The following YIPF4 variants were observed in gnomAD, a reference collection of about 807,000 sequenced individuals.
YIPF4 encodes the protein Yip1 domain family member 4.
Under a neutral mutation model 29.4 loss-of-function variants are expected in YIPF4, and 18 were observed. That is an observed-to-expected ratio of 0.61 (90% CI 0.42 to 0.91). YIPF4 has a LOEUF of 0.91. Ranked by LOEUF, YIPF4 falls within the 40% of genes least tolerant of loss-of-function variation. YIPF4 has a pLI of 0.00. For synonymous variants in YIPF4, 115 were observed against 104.7 expected, an observed-to-expected ratio of 1.10 and a Z score of -0.60; for missense variants, 279 against 282.7, an observed-to-expected ratio of 0.99 and a Z score of 0.09.
intron 1 of YIPF4, among the ~76,000 whole-genome samples, chr2:32,278,622 G>A (rs1010391123): frequency 1.3e-5 from 2 of 151,952 alleles, no homozygotes; most frequent in Non-Finnish European, 2.9e-5. Context: ...AGGAAGGAGG[G>A]CTGTTTTCTT....
intron 1 of YIPF4, among the ~76,000 whole-genome samples, chr2:32,279,394 CTT>C (rs35036420): frequency 2.0e-5 from 2 of 98,742 alleles, no homozygotes; most frequent in African/African-American, 4.1e-5. Flanking sequence ...CTAGATTTTC[CTT>C]TTTTTTTTTT....
At chr2:32,287,308 A>C (rs1375404757) in intron 1 of YIPF4, among the ~76,000 whole-genome samples, 3 of 152,182 alleles carry the variant, frequency 2.0e-5, no homozygotes, top group Admixed American at 6.5e-5. Flanking sequence ...TTTTAGTGCA[A>C]AAACATATGC....
At chr2:32,305,219 TAG>T (rs1462845348) in intron 5 of YIPF4, among the ~76,000 whole-genome samples, 4 of 152,274 alleles carry the variant, frequency 2.6e-5, no homozygotes, top group African/African-American at 7.2e-5. Flanking sequence ...TTAACAGAAC[TAG>T]AGAGTCCCCC....
chr2:32,294,366 A>AG (rs1455679249), intron 3 of YIPF4, among the ~76,000 whole-genome samples: 1 of 151,186 alleles, frequency 6.6e-6, no homozygotes, highest in Non-Finnish European at 1.5e-5. Flanking sequence ...GGCTGGGCAG[A>AG]GATGCTCCTC....
At chr2:32,278,346 G>A in intron 1 of YIPF4, 112 bp downstream of exon 1, 1 of 1,052,886 alleles carries the variant, frequency 9.5e-7, no homozygotes, top group Non-Finnish European at 1.3e-6. Context: ...GCAGGAAGCT[G>A]ACTGGTGACT....
intron 3 of YIPF4, among the ~76,000 whole-genome samples, chr2:32,296,132 C>T (rs1320161012): frequency 1.3e-5 from 2 of 152,160 alleles, no homozygotes; most frequent in African/African-American, 2.4e-5. Flanking sequence ...TCATCTAGAA[C>T]ATCTCTAATT....
Position 32,306,511 on chromosome 2 carries a change from A to G in YIPF4, c.*885A>G. The G allele has an allele frequency of 5.1e-6, 5 of 984,660 alleles. No individual in the cohort carries two copies. Among genetic ancestry groups the G allele is most frequent in the Non-Finnish European group, 6.0e-6 (5 of 829,200 alleles). 61.0% of individuals were successfully genotyped at this position (984,660 alleles called of 1,614,324 possible). A position where few individuals can be genotyped will look rare whatever the true frequency, so the allele number is the denominator to read the frequency against. On this transcript the variant is annotated 3_prime_UTR_variant, in exon 6 of 6. Coordinates refer to ENST00000238831, the MANE Select transcript of YIPF4 (RefSeq NM_032312.4). ...TAAAAGTTGGGGAAAGAGACCTTTA[A>G]AATCTTGTGGTGTTGAACAATGTTA...
intron 1 of YIPF4, among the ~76,000 whole-genome samples, chr2:32,286,487 A>G (rs1490713265): frequency 2.0e-5 from 3 of 152,216 alleles, no homozygotes; most frequent in Non-Finnish European, 4.4e-5. Context: ...CTAAAACCAT[A>G]AACCAGAACA....
intron 1 of YIPF4, among the ~76,000 whole-genome samples, chr2:32,280,763 A>G (rs920244231): frequency 1.3e-5 from 2 of 152,136 alleles, no homozygotes; most frequent in African/African-American, 4.8e-5. Context: ...CTGGGATTAC[A>G]GATGTGAGCT....
rs569160658 is a variant in YIPF4 at position 32,281,478 on chromosome 2, GT to G, written c.79+3245del. On this transcript the variant is annotated intron_variant, in intron 1 of 5. Transcript: ENST00000238831. ...GCTGGTCTTGAACTCCTGGGCTCAA[GT>G]GATCCACCCACCTTGGCCTCCCAAA... Among the ~76,000 whole-genome samples, 34 of 152,268 alleles carry G rather than the reference GT, an allele frequency of 2.2e-4. 1 individual carries two copies. In the East Asian group the frequency reaches 6.0e-3, roughly 27 times the overall value.
chr2:32,298,180 A>C, intron 3 of YIPF4, 54 bp from the exon 4 acceptor site: 7 of 1,386,482 alleles, frequency 5.0e-6, no homozygotes, highest in Non-Finnish European at 7.1e-6. Context: ...GTTCCTGGAA[A>C]ATTATCATCT....
chr2:32,292,559 C>T (rs2030962769), intron 3 of YIPF4, among the ~76,000 whole-genome samples: 1 of 152,086 alleles, frequency 6.6e-6, no homozygotes, highest in Non-Finnish European at 1.5e-5. Context: ...TCATGATTCA[C>T]ATAGAAAGTA....
chr2:32,279,359 C>T (rs1030669603), intron 1 of YIPF4, among the ~76,000 whole-genome samples: 2 of 146,870 alleles, frequency 1.4e-5, no homozygotes, highest in Non-Finnish European at 3.0e-5. Flanking sequence ...ATTATGTTTA[C>T]AGAAATTTCA....
At chr2:32,293,338 T>C (rs1341718076) in intron 3 of YIPF4, among the ~76,000 whole-genome samples, 2 of 152,166 alleles carry the variant, frequency 1.3e-5, no homozygotes, top group Non-Finnish European at 2.9e-5. Flanking sequence ...AAAGCACATC[T>C]TGCACCGCCC....
intron 3 of YIPF4, among the ~76,000 whole-genome samples, chr2:32,294,545 G>A (rs1272748818): frequency 1.3e-5 from 2 of 151,596 alleles, no homozygotes; most frequent in Middle Eastern, 3.2e-3. Context: ...TTCCTAGATG[G>A]GATGGCGGCC....
Position 32,301,444 on chromosome 2 carries a change from C to A in YIPF4, c.546C>A (p.Ala182=), listed in dbSNP as rs778163753. Residue 182 remains alanine, a synonymous_variant, in exon 5 of 6, where the codon GCC becomes GCA. Coordinates refer to ENST00000238831, the MANE Select transcript of YIPF4 (RefSeq NM_032312.4). The part of the protein sequence containing the change: ...GYSLLPLIVI[A]PVLLVVGSFE... ...CATTACTTCCTCTCATTGTAATAGCCCCTGTACTTTTGGTGGTTGGATCAT... is the reference window on the plus strand; with the variant it reads ...CATTACTTCCTCTCATTGTAATAGCACCTGTACTTTTGGTGGTTGGATCAT... 8.1e-6 allele frequency: 13 copies of A among 1,613,500 alleles called. No homozygotes were observed.
chr2:32,278,955 G>C (rs923780015), intron 1 of YIPF4, among the ~76,000 whole-genome samples: 1 of 151,834 alleles, frequency 6.6e-6, no homozygotes, highest in Non-Finnish European at 1.5e-5. Context: ...TCATAACCTG[G>C]ATATTATTCT....
intron 1 of YIPF4, among the ~76,000 whole-genome samples, chr2:32,287,228 G>A (rs1207084623): frequency 2.6e-5 from 4 of 152,114 alleles, no homozygotes; most frequent in Admixed American, 2.6e-4. Context: ...CTGGACAAGA[G>A]AGTCTGTCTC....
intron 1 of YIPF4, among the ~76,000 whole-genome samples, chr2:32,285,002 C>T (rs1402177007): frequency 5.3e-5 from 8 of 151,890 alleles, no homozygotes; most frequent in Non-Finnish European, 1.0e-4. Flanking sequence ...AAAGAGTCTC[C>T]GGGGTACAGT....
Sources: gnomAD v4.1 joint callset for allele counts (sites outside exome capture counted in the v4.1 genomes callset) on GRCh38, gnomAD v4.1.1 for gene constraint, MANE v1.5 for transcripts, NCBI Gene and HGNC (gene_info 2026-07-23, HGNC 2026-07-21) for gene names.